FGR: variants seen among roughly 807,000 people sequenced by gnomAD.
FGR encodes tyrosine-protein kinase Fgr.
In FGR, 26 loss-of-function variants were observed where a neutral mutation model predicts 63.2. The ratio of observed to expected loss-of-function variants is 0.41; its 90% CI spans 0.30 to 0.57. FGR has a LOEUF of 0.57. Ranked by LOEUF, FGR falls within the 20% of genes least tolerant of loss-of-function variation. The probability of loss-of-function intolerance (pLI) is 0.27; values close to 1 mark genes in which losing one functional copy is unlikely to be tolerated. For missense variants in FGR, 511 were observed against 690.8 expected (o/e 0.74, Z 2.92); for synonymous variants, 286 against 277.7 (o/e 1.03, Z -0.30).
chr1:27,613,589 G>T (rs2089738992), intron 11 of FGR, among the ~76,000 whole-genome samples: 1 of 151,216 alleles, frequency 6.6e-6, no homozygotes, highest in African/African-American at 2.4e-5. Context: ...TGTAATCCCA[G>T]CTACTAGGGA....
intron 1 of FGR, among the ~76,000 whole-genome samples, chr1:27,627,453 C>T (rs966008644): frequency 6.7e-6 from 1 of 150,356 alleles, no homozygotes; most frequent in Non-Finnish European, 1.5e-5. Context: ...CATGAACACA[C>T]ACACACACAC....
chr1:27,633,496 G>A (rs752455195), intron 1 of FGR, among the ~76,000 whole-genome samples: 1 of 152,194 alleles, frequency 6.6e-6, no homozygotes. Context: ...AAACTATTTA[G>A]ACGCCAACTG....
intron 1 of FGR, among the ~76,000 whole-genome samples, chr1:27,634,219 G>T (rs971744753): frequency 6.6e-6 from 1 of 152,294 alleles, no homozygotes; most frequent in Non-Finnish European, 1.5e-5. Flanking sequence ...CAGCCCCTGC[G>T]GGCACTCGCG....
In FGR at chr1:27,616,801, C is replaced by T. The variant is rs1202957711; in HGVS notation, c.682+56G>A. Reference sequence around the variant, plus strand: ...TTCCCTTCTCTGGGCCTCAGTTCCCCCATCTGGACAATGCTTCAGTTGGTT... The same window carrying T: ...TTCCCTTCTCTGGGCCTCAGTTCCCTCATCTGGACAATGCTTCAGTTGGTT... On this transcript the variant is annotated intron_variant, in intron 7 of 12. Transcript: ENST00000374005. The surrounding 1 kb of genome is among the most constrained non-coding windows in gnomAD (Gnocchi z 4.3). 1.9e-6 allele frequency: 3 copies of T among 1,583,798 alleles called. No individual in the cohort carries two copies. Among genetic ancestry groups the T allele is most frequent in the Non-Finnish European group, 2.6e-6 (3 of 1,153,416 alleles).
chr1:27,614,318 G>C lies in FGR; in HGVS notation c.1249+112C>G, dbSNP rs1008642599. ...AGAATTGCCTCTCATACTACATCAG[G>C]ATGGGGCGACTCGGGCGACCTGGAG... is the stretch of plus-strand genomic sequence containing the variant. On this transcript the variant is annotated intron_variant, in intron 11 of 12. Coordinates refer to ENST00000374005, the MANE Select transcript of FGR (RefSeq NM_005248.3). 7 of 1,239,998 alleles carry C rather than the reference G, an allele frequency of 5.6e-6. No homozygotes were observed. The African/African-American group carries it at 9.0e-5, about 16-fold the overall frequency. 76.8% of individuals were successfully genotyped at this position (1,239,998 alleles called of 1,614,324 possible). A position where few individuals can be genotyped will look rare whatever the true frequency, so the allele number is the denominator to read the frequency against.
chr1:27,625,682 T>G (rs1381137563), intron 1 of FGR, among the ~76,000 whole-genome samples: 1 of 152,210 alleles, frequency 6.6e-6, no homozygotes, highest in African/African-American at 2.4e-5. Context: ...GGCTCACGCC[T>G]ATAATCCCAG....
chr1:27,629,157 A>AAGAGAC lies in FGR; in HGVS notation c.-76-4012_-76-4007dup, dbSNP rs536344287. Among the ~76,000 whole-genome samples, 273 of 152,208 alleles carry AAGAGAC rather than the reference A, an allele frequency of 1.8e-3. 3 individuals are homozygous for AAGAGAC. Among genetic ancestry groups the AAGAGAC allele is most frequent in the South Asian group, 0.011 (51 of 4,828 alleles). On this transcript the variant is annotated intron_variant, in intron 1 of 12. Transcript: ENST00000374005. ...GACAGAAAGACAGAGAGATAGAAGG[A>AAGAGAC]AGAGACAGAGACAGAGAAACACAGC...
chr1:27,621,707 C>G, intron 4 of FGR, 50 bp from the exon 5 acceptor site: 1 of 1,368,874 alleles, frequency 7.3e-7, no homozygotes, highest in Non-Finnish European at 1.0e-6. Flanking sequence ...GCCCCCAAGG[C>G]ACCCTGAGGC....
At chr1:27,623,209 C>A in intron 3 of FGR, 65 bp from the exon 4 acceptor site, 1 of 1,220,360 alleles carries the variant, frequency 8.2e-7, no homozygotes, top group South Asian at 1.2e-5. Context: ...GGCTGCACCC[C>A]AAATTCCTGT....
At chr1:27,631,073 C>A (rs779666876) in intron 1 of FGR, among the ~76,000 whole-genome samples, 6 of 152,180 alleles carry the variant, frequency 3.9e-5, no homozygotes, top group Non-Finnish European at 7.3e-5. Flanking sequence ...CCCCAGGGAC[C>A]ATTTACCACT....
chr1:27,621,439 A>G (rs1571392415), intron 5 of FGR, 120 bp downstream of exon 5: 1 of 689,594 alleles, frequency 1.5e-6, no homozygotes, highest in East Asian at 2.7e-5. Context: ...ATGACCTTAC[A>G]AAATTATTAG....
In FGR at chr1:27,617,260, C is replaced by G; in HGVS notation, c.465G>C (p.Glu155Asp). The change falls in exon 6 of 13, where the codon GAG (glutamate) becomes GAC (aspartate). Residue 155 changes from glutamate (E) to aspartate (D), a missense_variant. Physicochemically the swap from Glu to Asp is conservative, Grantham distance 45 (BLOSUM62 2). Coordinates refer to ENST00000374005, the MANE Select transcript of FGR (RefSeq NM_005248.3). This position sits in a 1 kb window ranked among gnomAD's most constrained non-coding sequence, Gnocchi z 4.5. ...GGTTGCCTGGTGAAAGCAGCTGCCT[C>G]TCTGCATCCTTTCTCCCAATCTTTC... ...YFGKIGRKDA[E>D]RQLLSPGNPQ... 1 of 1,614,198 alleles carries G rather than the reference C, an allele frequency of 6.2e-7. No individual in the cohort carries two copies. The highest frequency in any genetic ancestry group is 8.5e-7 in the Non-Finnish European group (1 of 1,180,022).
intron 4 of FGR, 30 bp from the exon 5 acceptor site, chr1:27,621,687 A>G (rs1174606294): frequency 1.3e-6 from 2 of 1,549,740 alleles, no homozygotes; most frequent in East Asian, 2.2e-5. Flanking sequence ...CATGGTCAGC[A>G]GCACCTCCAG....
rs566559264 is a variant in FGR, at chr1:27,634,144, G to A, written c.-77+921C>T. Among the ~76,000 whole-genome samples the A allele has an allele frequency of 4.1e-3, 618 of 151,376 alleles. 3 individuals are homozygous for A. Among genetic ancestry groups the A allele is most frequent in the Non-Finnish European group, 7.4e-3 (499 of 67,822 alleles). On this transcript the variant is annotated intron_variant, in intron 1 of 12. Coordinates refer to ENST00000374005, the MANE Select transcript of FGR (RefSeq NM_005248.3). ...AAGGGGGCGAAGGCGGAGAGCAAAGGGGGCTGCGCCCACCCGGAGCCCCGC... is the reference window on the plus strand; with the variant it reads ...AAGGGGGCGAAGGCGGAGAGCAAAGAGGGCTGCGCCCACCCGGAGCCCCGC...
chr1:27,632,782 G>C (rs2090124629), intron 1 of FGR, among the ~76,000 whole-genome samples: 2 of 152,154 alleles, frequency 1.3e-5, no homozygotes, highest in South Asian at 4.1e-4. Flanking sequence ...AGGGATGGGA[G>C]TCTAGATTTC....
intron 2 of FGR, among the ~76,000 whole-genome samples, chr1:27,624,616 C>T (rs2231863): frequency 0.91 from 138,986 of 152,158 alleles, 63,642 homozygotes; most frequent in African/African-American, 0.97. Context: ...TGTGTGTATA[C>T]GAGAGTGTAT....
At position 27,628,627 on chromosome 1, in the gene FGR, T is replaced by C. The variant is rs79983418; in HGVS notation, c.-76-3476A>G. Among the ~76,000 whole-genome samples the C allele has an allele frequency of 2.2e-4, 34 of 151,920 alleles. No individual in the cohort carries two copies. The East Asian group carries it at 6.4e-3, about 28-fold the overall frequency. On this transcript the variant is annotated intron_variant, in intron 1 of 12. Transcript: ENST00000374005. ...TCCTCTATAGGAGAACATAGACTTA[T>C]ACAATCTCTCATGTTCACACACAGA...
In FGR at chr1:27,615,156, A is replaced by G. The variant is rs2089781511; in HGVS notation, c.1019-230T>C. Among the ~76,000 whole-genome samples, 1 of 150,020 alleles carries G rather than the reference A, an allele frequency of 6.7e-6. No homozygotes were observed. The highest frequency in any genetic ancestry group is 2.5e-5 in the African/African-American group (1 of 40,590). On this transcript the variant is annotated intron_variant, in intron 9 of 12. Coordinates refer to ENST00000374005, the MANE Select transcript of FGR (RefSeq NM_005248.3). The surrounding 1 kb of genome is among the most constrained non-coding windows in gnomAD (Gnocchi z 7.6). ...GGTGTTCCGGACACGACCCACCCAGACTCCGCCCCAGACCCTCCCTCATTC... is the reference window on the plus strand; with the variant it reads ...GGTGTTCCGGACACGACCCACCCAGGCTCCGCCCCAGACCCTCCCTCATTC...
chr1:27,621,498 C>G lies in FGR; in HGVS notation c.428+61G>C, dbSNP rs1379514819. On this transcript the variant is annotated intron_variant, in intron 5 of 12. Coordinates refer to ENST00000374005, the MANE Select transcript of FGR (RefSeq NM_005248.3). ...AGCAATGACTTGTCCAAGAGGTGGC[C>G]TTGGAGTCTGGACTCCAGGGTCCTG... 2.4e-6 allele frequency: 3 copies of G among 1,244,994 alleles called. No homozygotes were observed. The Admixed American group carries it at 5.1e-5, about 21-fold the overall frequency. The allele number at this position is 1,244,994 out of a possible 1,614,324, so 77.1% of individuals were successfully genotyped here. A position where few individuals can be genotyped will look rare whatever the true frequency, so the allele number is the denominator to read the frequency against.
Sources: gnomAD v4.1 joint callset for allele counts (sites outside exome capture counted in the v4.1 genomes callset) on GRCh38, gnomAD v4.1.1 for gene constraint, Gnocchi (gnomAD v3.1) non-coding constraint, MANE v1.5 for transcripts, NCBI Gene and HGNC (gene_info 2026-07-23, HGNC 2026-07-21) for gene names.